Variants in TBC1D19 observed in about 807,000 individuals in gnomAD.
TBC1D19 encodes the protein TBC1 domain family member 19.
TBC1D19 carries 60 observed loss-of-function variants against 89.0 expected under a neutral mutation model. The observed-to-expected ratio is 0.67, with a 90% CI of 0.55 to 0.84. TBC1D19 has a LOEUF of 0.84. Ranked by LOEUF, TBC1D19 falls within the 40% of genes least tolerant of loss-of-function variation. The pLI is 0.00. For synonymous variants in TBC1D19, 189 were observed against 199.7 expected (o/e 0.95, Z 0.45); for missense variants, 500 against 610.8 (o/e 0.82, Z 1.91).
At chr4:26,820,268 A>T in the TBC1D19 span, among the ~76,000 whole-genome samples, 1 of 152,116 alleles carries the variant, frequency 6.6e-6, no homozygotes, top group Non-Finnish European at 1.5e-5. Context: ...ACTAAAACTT[A>T]TTCTTGCAGT....
Position 26,637,266 on chromosome 4 carries a change from G to A in TBC1D19, c.350G>A (p.Ser117Asn). The change falls in exon 5 of 21, where the codon AGT becomes AAT. Residue 117 changes from serine to asparagine, a missense_variant. This residue lies in a region of TBC1D19 where 280 missense variants were observed against 291.7 expected (regional missense o/e 0.96). Coordinates refer to ENST00000264866, the MANE Select transcript of TBC1D19 (RefSeq NM_018317.4). ...TTAAATAGTATGTGCACTGAACTGAGTATCCCACTGGCACGAAAGGTACTT... is the reference window on the plus strand; with the variant it reads ...TTAAATAGTATGTGCACTGAACTGAATATCCCACTGGCACGAAAGGTACTT... ...KSLNSMCTEL[S>N]IPLARKRPVG... The A allele has an allele frequency of 6.2e-7, 1 of 1,609,980 alleles. No homozygotes were observed. The highest frequency in any genetic ancestry group is 1.3e-5 in the African/African-American group (1 of 74,818).
intron 13 of TBC1D19, among the ~76,000 whole-genome samples, chr4:26,691,101 G>A (rs1239867678): frequency 6.6e-6 from 1 of 152,210 alleles, no homozygotes; most frequent in Non-Finnish European, 1.5e-5. Flanking sequence ...TTCAGTGGAG[G>A]AAGTAACGGT....
At chr4:26,726,921 A>G (rs1717357504) in intron 15 of TBC1D19, among the ~76,000 whole-genome samples, 2 of 152,216 alleles carry the variant, frequency 1.3e-5, no homozygotes, top group African/African-American at 2.4e-5. Flanking sequence ...TATTTTAGTT[A>G]ACGATGTTTG....
At chr4:26,831,591 CTT>C in the TBC1D19 span, among the ~76,000 whole-genome samples, 2 of 99,894 alleles carry the variant, frequency 2.0e-5, no homozygotes, top group Admixed American at 9.7e-5. Context: ...TTTTTTTTTT[CTT>C]TTTTTTTTTT....
intron 7 of TBC1D19, among the ~76,000 whole-genome samples, chr4:26,654,058 G>C (rs1415355197): frequency 6.6e-6 from 1 of 152,112 alleles, no homozygotes; most frequent in African/African-American, 2.4e-5. Flanking sequence ...AGCTCTTTTA[G>C]GGCAGGCCTG....
intron 1 of TBC1D19, among the ~76,000 whole-genome samples, chr4:26,578,453 C>G (rs1245029564): frequency 6.6e-6 from 1 of 151,880 alleles, no homozygotes; most frequent in Non-Finnish European, 1.5e-5. Context: ...TTCAAGAGAA[C>G]TGGAAGAACA....
intron 13 of TBC1D19, among the ~76,000 whole-genome samples, chr4:26,714,795 T>C (rs1257468552): frequency 6.6e-6 from 1 of 152,104 alleles, no homozygotes; most frequent in East Asian, 1.9e-4. Context: ...AATGCATACA[T>C]AGAAATGCTT....
the TBC1D19 span, among the ~76,000 whole-genome samples, chr4:26,813,545 T>C: frequency 6.6e-6 from 1 of 152,266 alleles, no homozygotes; most frequent in Admixed American, 6.5e-5. Context: ...CTACATAATA[T>C]ATAGTTTATA....
chr4:26,788,187 G>A, the TBC1D19 span, among the ~76,000 whole-genome samples: 1 of 152,214 alleles, frequency 6.6e-6, no homozygotes, highest in Non-Finnish European at 1.5e-5. Context: ...GTTCAGGGGA[G>A]GGGCTGTGCT....
chr4:26,675,235 CTT>C (rs1712696753), intron 11 of TBC1D19, among the ~76,000 whole-genome samples: 1 of 152,036 alleles, frequency 6.6e-6, no homozygotes, highest in Non-Finnish European at 1.5e-5. Context: ...AATTCTATCT[CTT>C]CGCAGAAGAA....
intron 10 of TBC1D19, among the ~76,000 whole-genome samples, chr4:26,672,705 T>C (rs1240330796): frequency 6.6e-6 from 1 of 151,978 alleles, no homozygotes; most frequent in Admixed American, 6.6e-5. Flanking sequence ...ATAAATCCTT[T>C]TTTGTCTTTG....
At chr4:26,672,471 G>A (rs976923171) in intron 10 of TBC1D19, among the ~76,000 whole-genome samples, 1 of 151,872 alleles carries the variant, frequency 6.6e-6, no homozygotes, top group African/African-American at 2.4e-5. Context: ...AATCCATTCG[G>A]CAGTAGAATT....
chr4:26,822,007 G>A, the TBC1D19 span, among the ~76,000 whole-genome samples: 4 of 152,200 alleles, frequency 2.6e-5, no homozygotes, highest in Non-Finnish European at 4.4e-5. Context: ...TCGCCACATG[G>A]GGAAACAGAT....
chr4:26,832,354 G>A, the TBC1D19 span, among the ~76,000 whole-genome samples: 1 of 152,090 alleles, frequency 6.6e-6, no homozygotes, highest in Non-Finnish European at 1.5e-5. Flanking sequence ...ATAGACTCTG[G>A]CATTGCAAAC....
At chr4:26,854,027 T>A in the TBC1D19 span, among the ~76,000 whole-genome samples, 1 of 152,228 alleles carries the variant, frequency 6.6e-6, no homozygotes, top group Non-Finnish European at 1.5e-5. Flanking sequence ...CTGAAACACC[T>A]TTGTGTAAAT....
chr4:26,797,409 G>A, the TBC1D19 span, among the ~76,000 whole-genome samples: 1 of 152,098 alleles, frequency 6.6e-6, no homozygotes, highest in African/African-American at 2.4e-5. Flanking sequence ...TAAACAAGTG[G>A]AAAAACATCC....
At chr4:26,837,677 C>T in the TBC1D19 span, among the ~76,000 whole-genome samples, 32 of 152,136 alleles carry the variant, frequency 2.1e-4, no homozygotes, top group South Asian at 4.2e-4. Context: ...CATGATTTAG[C>T]GATCATCTGT....
intron 4 of TBC1D19, 74 bp from the exon 5 acceptor site, chr4:26,637,137 G>T: frequency 9.4e-7 from 1 of 1,061,704 alleles, no homozygotes; most frequent in Non-Finnish European, 1.4e-6. Context: ...TATATAATTT[G>T]TAATATCTTT....
the TBC1D19 span, among the ~76,000 whole-genome samples, chr4:26,843,843 G>A: frequency 3.9e-5 from 6 of 152,126 alleles, no homozygotes; most frequent in Non-Finnish European, 7.4e-5. Flanking sequence ...CATGACAGAA[G>A]GTGAAGCAGG....
Sources: allele counts gnomAD v4.1 joint callset (sites outside exome capture counted in the v4.1 genomes callset), GRCh38; gene constraint gnomAD v4.1.1; regional missense constraint gnomAD v4.1.1; transcripts MANE v1.5; gene names NCBI Gene and HGNC (gene_info 2026-07-23, HGNC 2026-07-21).